Variants in KAZN observed in about 807,000 individuals in gnomAD.
The protein encoded by KAZN is kazrin, periplakin interacting protein.
A neutral mutation model predicts 87.4 loss-of-function variants in KAZN; 40 were observed. That is an observed-to-expected ratio of 0.46 (90% CI 0.36 to 0.60). The LOEUF (loss-of-function observed/expected upper bound fraction) is 0.60. Ranked by LOEUF, KAZN falls within the 20% of genes least tolerant of loss-of-function variation. The pLI is 0.00. For synonymous variants in KAZN, 466 were observed against 458.3 expected (o/e 1.02, Z -0.22); for missense variants, 898 against 1,073.9 (o/e 0.84, Z 2.29).
intron 1 of KAZN, among the ~76,000 whole-genome samples, chr1:14,699,954 G>A (rs575299249): frequency 7.2e-5 from 11 of 152,160 alleles, no homozygotes; most frequent in Admixed American, 5.2e-4. Flanking sequence ...TAGAGAGTGC[G>A]CAGTCCAGGC....
chr1:14,224,765 C>A (rs142636067), intron 2 of KAZN, among the ~76,000 whole-genome samples: 137 of 152,006 alleles, frequency 9.0e-4, no homozygotes, highest in Non-Finnish European at 1.6e-3. Context: ...ATGCCTAGCT[C>A]GGTGGTTTTG....
intron 2 of KAZN, among the ~76,000 whole-genome samples, chr1:14,321,013 G>T (rs1656012572): frequency 6.6e-6 from 1 of 152,106 alleles, no homozygotes; most frequent in South Asian, 2.1e-4. Context: ...AGGCATTTTT[G>T]AAAGAGTTCA....
In KAZN at chr1:14,769,771, G is replaced by C. The variant is rs1644975203; in HGVS notation, c.226+170548G>C. Among the ~76,000 whole-genome samples, 1 of 152,364 alleles carries C rather than the reference G, an allele frequency of 6.6e-6. No homozygotes were observed. The highest frequency in any genetic ancestry group is 1.5e-5 in the Non-Finnish European group (1 of 68,038). On this transcript the variant is annotated intron_variant, in intron 1 of 14. Coordinates refer to ENST00000376030, the MANE Select transcript of KAZN (RefSeq NM_201628.3). This position sits in a 1 kb window ranked among gnomAD's most constrained non-coding sequence, Gnocchi z 4.1. ...AGCAAACATGGATTGACCATCCTCT[G>C]TGTGCTGCCAATGAGATTCCAGTGA...
At chr1:14,635,068 C>T (rs1408660822) in intron 1 of KAZN, among the ~76,000 whole-genome samples, 2 of 152,148 alleles carry the variant, frequency 1.3e-5, no homozygotes, top group African/African-American at 2.4e-5. Flanking sequence ...ACAGGTGTTG[C>T]AGGAAGGGCA....
chr1:14,997,206 TTTATTTATTTATTTATTTATTTATTTA>T (rs1667973750), intron 2 of KAZN, among the ~76,000 whole-genome samples: 1 of 23,846 alleles, frequency 4.2e-5, no homozygotes, highest in Non-Finnish European at 4.1e-4. Context: ...CTTTCTTTCA[TTTATTTATTTATTTATTTATTTATTTA>T]TTTATTTATT....
At chr1:14,069,658 A>G (rs1009984644) in intron 1 of KAZN, among the ~76,000 whole-genome samples, 2 of 152,118 alleles carry the variant, frequency 1.3e-5, no homozygotes, top group African/African-American at 4.8e-5. Flanking sequence ...AGCTTAGCGT[A>G]CTCATCTTCT....
rs115399773 is a variant in KAZN, at chr1:14,696,306, C to T, written c.226+97083C>T. Among the ~76,000 whole-genome samples, 482 of 152,298 alleles carry T rather than the reference C, an allele frequency of 3.2e-3. 2 individuals carry two copies. Among genetic ancestry groups the T allele is most frequent in the African/African-American group, 0.011 (466 of 41,552 alleles). On this transcript the variant is annotated intron_variant, in intron 1 of 14. Transcript: ENST00000376030. ...ATTACACGGTGTGCTAACAGATTGG[C>T]ATAGGCAATTAGTGGGAACACCAGC...
At position 14,672,630 on chromosome 1, in the gene KAZN, GAC is replaced by G. The variant is rs1373749128; in HGVS notation, c.226+73411_226+73412del. ...AATTGCTCTCTGACAAGTTTCAGCA[GAC>G]ACAGAATTTATCAAAGGCTGTCAGG... On this transcript the variant is annotated intron_variant, in intron 1 of 14. Transcript: ENST00000376030. Among the ~76,000 whole-genome samples, 5 of 152,314 alleles carry G rather than the reference GAC, an allele frequency of 3.3e-5. 1 individual carries two copies. Among genetic ancestry groups the G allele is most frequent in the African/African-American group, 1.2e-4 (5 of 41,568 alleles).
chr1:15,065,863 C>T (rs917611636), intron 8 of KAZN, 110 bp downstream of exon 8: 2 of 1,536,060 alleles, frequency 1.3e-6, no homozygotes, highest in Non-Finnish European at 8.8e-7. Flanking sequence ...TGCAAGCGAG[C>T]GTGGGTGCGC....
intron 2 of KAZN, among the ~76,000 whole-genome samples, chr1:14,284,452 G>A (rs943549738): frequency 2.0e-5 from 3 of 151,838 alleles, no homozygotes; most frequent in Non-Finnish European, 4.4e-5. Flanking sequence ...TGAGCCCCGG[G>A]TTCCAAAAGG....
At chr1:14,750,650 A>C (rs563632725) in intron 1 of KAZN, among the ~76,000 whole-genome samples, 1 of 151,944 alleles carries the variant, frequency 6.6e-6, no homozygotes, top group Admixed American at 6.6e-5. Context: ...TTTTCTCTAC[A>C]TAGCCTGAGG....
At chr1:14,865,657 C>G (rs1337411333) in intron 1 of KAZN, among the ~76,000 whole-genome samples, 1 of 152,226 alleles carries the variant, frequency 6.6e-6, no homozygotes, top group African/African-American at 2.4e-5. Flanking sequence ...GCCATCCTGC[C>G]TGTACTGGGT....
At chr1:14,840,407 T>G (rs188666722) in intron 1 of KAZN, among the ~76,000 whole-genome samples, 4 of 152,324 alleles carry the variant, frequency 2.6e-5, no homozygotes, top group Non-Finnish European at 5.9e-5. Flanking sequence ...AGAATCTATG[T>G]CTGTGGGAAT....
At chr1:14,980,142 A>C (rs1051307342) in intron 2 of KAZN, among the ~76,000 whole-genome samples, 1 of 151,892 alleles carries the variant, frequency 6.6e-6, no homozygotes, top group Admixed American at 6.6e-5. Context: ...GCCCACCTCC[A>C]CCTCCCAAAG....
intron 2 of KAZN, among the ~76,000 whole-genome samples, chr1:14,378,938 C>T (rs146144516): frequency 1.9e-3 from 292 of 151,496 alleles, no homozygotes; most frequent in Non-Finnish European, 3.3e-3. Flanking sequence ...ATGCACTGAT[C>T]CCCCGCCAAA....
At chr1:14,899,792 C>T (rs992650632) in intron 1 of KAZN, among the ~76,000 whole-genome samples, 6 of 152,172 alleles carry the variant, frequency 3.9e-5, no homozygotes, top group Non-Finnish European at 8.8e-5. Context: ...TCCGCTCCCT[C>T]GGGGGATGTG....
chr1:14,171,585 A>G (rs1336726275), intron 1 of KAZN, among the ~76,000 whole-genome samples: 2 of 152,244 alleles, frequency 1.3e-5, no homozygotes, highest in African/African-American at 2.4e-5. Context: ...TGCAAAATAC[A>G]TCATAGAATT....
Position 15,094,794 on chromosome 1 carries a change from G to A in KAZN, c.1429-21G>A. On this transcript the variant is annotated intron_variant, in intron 9 of 14. Coordinates refer to ENST00000376030, the MANE Select transcript of KAZN (RefSeq NM_201628.3). This position sits in a 1 kb window ranked among gnomAD's most constrained non-coding sequence, Gnocchi z 4.5. ...CCGGCAGCTGTCCCAGCCCCCATAT[G>A]ACACTCCCTCCCGGGGGCAGGTGCT... is the stretch of plus-strand genomic sequence containing the variant. 1 of 1,536,216 alleles carries A rather than the reference G, an allele frequency of 6.5e-7. No homozygotes were observed. Among genetic ancestry groups the A allele is most frequent in the Non-Finnish European group, 8.8e-7 (1 of 1,135,056 alleles).
intron 1 of KAZN, among the ~76,000 whole-genome samples, chr1:14,917,723 G>C (rs1318422887): frequency 6.6e-6 from 1 of 152,098 alleles, no homozygotes; most frequent in Non-Finnish European, 1.5e-5. Context: ...TGCTTCTAGA[G>C]ACTGTGTCCC....
Sources: allele counts gnomAD v4.1 joint callset (sites outside exome capture counted in the v4.1 genomes callset), GRCh38; gene constraint gnomAD v4.1.1; non-coding constraint Gnocchi (gnomAD v3.1); transcripts MANE v1.5; gene names NCBI Gene and HGNC (gene_info 2026-07-23, HGNC 2026-07-21).